The following EPHA6 variants were observed in gnomAD, a reference collection of about 807,000 sequenced individuals.
EPHA6 encodes EPH receptor A6, also known as ephrin type-A receptor 6.
In EPHA6, 50 loss-of-function variants were observed where a neutral mutation model predicts 112.0. The ratio of observed to expected loss-of-function variants is 0.45; its 90% CI spans 0.36 to 0.56. EPHA6 has a LOEUF of 0.56. Ranked by LOEUF, EPHA6 falls within the 20% of genes least tolerant of loss-of-function variation. EPHA6 has a pLI of 0.00. For missense variants in EPHA6, 1,280 were observed against 1,417.4 expected (o/e 0.90, Z 1.56); for synonymous variants, 529 against 490.7 (o/e 1.08, Z -1.03).
At chr3:96,830,112 G>A (rs2033962750) in intron 1 of EPHA6, among the ~76,000 whole-genome samples, 1 of 151,960 alleles carries the variant, frequency 6.6e-6, no homozygotes, top group African/African-American at 2.4e-5. Context: ...TAAAGTATGT[G>A]TACATTTTTA....
chr3:97,088,899 C>T (rs1014221212), intron 3 of EPHA6, among the ~76,000 whole-genome samples: 1 of 152,112 alleles, frequency 6.6e-6, no homozygotes, highest in Admixed American at 6.6e-5. Flanking sequence ...AGGTGTGATA[C>T]TCGAGACGCT....
rs869258362 is a variant in EPHA6, at chr3:97,333,468, C to CTTTTTTTT, written c.1607-71666_1607-71659dup. Among the ~76,000 whole-genome samples, 41 of 75,848 alleles carry CTTTTTTTT rather than the reference C, an allele frequency of 5.4e-4. 2 individuals carry two copies. The highest frequency in any genetic ancestry group is 1.8e-3 in the African/African-American group (31 of 17,566). 49.8% of individuals were successfully genotyped at this position (75,848 alleles called of 152,430 possible). A position where few individuals can be genotyped will look rare whatever the true frequency, so the allele number is the denominator to read the frequency against. ...TTCCTTTACACTCTGTATGGCTTTT[C>CTTTTTTTT]TTTTTTTTTTTTTTTTTTTTTTTGA... On this transcript the variant is annotated intron_variant, in intron 5 of 17. Transcript: ENST00000389672.
chr3:97,507,179 G>T (rs1303601962), intron 10 of EPHA6, among the ~76,000 whole-genome samples: 3 of 152,046 alleles, frequency 2.0e-5, no homozygotes, highest in Non-Finnish European at 4.4e-5. Flanking sequence ...TGAATGACCT[G>T]GCCAGAACTT....
intron 3 of EPHA6, among the ~76,000 whole-genome samples, chr3:97,108,737 G>A (rs2047638469): frequency 6.6e-6 from 1 of 152,118 alleles, no homozygotes; most frequent in Non-Finnish European, 1.5e-5. Flanking sequence ...ACATTAACAA[G>A]CTAGGACATT....
At chr3:97,294,044 A>G (rs1185218957) in intron 5 of EPHA6, among the ~76,000 whole-genome samples, 1 of 152,232 alleles carries the variant, frequency 6.6e-6, no homozygotes, top group Non-Finnish European at 1.5e-5. Context: ...TGTCAGGAGC[A>G]GGGGGAGGCC....
At chr3:97,132,704 A>G (rs894729358) in intron 3 of EPHA6, among the ~76,000 whole-genome samples, 12 of 152,094 alleles carry the variant, frequency 7.9e-5, no homozygotes, top group Admixed American at 4.6e-4. Flanking sequence ...ACTTTACTCA[A>G]TTGAGAATAC....
At chr3:97,683,725 T>C (rs746645) in intron 14 of EPHA6, among the ~76,000 whole-genome samples, 4 of 152,150 alleles carry the variant, frequency 2.6e-5, no homozygotes, top group African/African-American at 4.8e-5. Context: ...AAGGCCCACG[T>C]ACTTCTTTCT....
chr3:97,250,328 G>GA (rs2079099954), intron 5 of EPHA6, among the ~76,000 whole-genome samples: 1 of 152,126 alleles, frequency 6.6e-6, no homozygotes, highest in South Asian at 2.1e-4. Flanking sequence ...CATTGCTAAA[G>GA]AAATGTGTTT....
At chr3:96,841,292 A>G (rs1233979221) in intron 1 of EPHA6, among the ~76,000 whole-genome samples, 1 of 152,114 alleles carries the variant, frequency 6.6e-6, no homozygotes, top group Non-Finnish European at 1.5e-5. Flanking sequence ...ATCTCAGTGC[A>G]TTAGAGGGGT....
rs764707272 is a variant in EPHA6 at position 97,448,679 on chromosome 3, A to G, written c.1843A>G (p.Thr615Ala). ...ATTTCACATCCGAGTGAGAACTGCG[A>G]CAGGATACAGTGGCTACAGTCAGAA... ...YVFHIRVRTA[T>A]GYSGYSQKFE... is the part of the protein sequence containing the mutation. Residue 615 changes from threonine to alanine, a missense_variant, in exon 7 of 18, where the codon ACA becomes GCA. Coordinates refer to ENST00000389672, the MANE Select transcript of EPHA6 (RefSeq NM_001080448.3). The G allele has an allele frequency of 2.5e-6, 4 of 1,613,448 alleles. No individual in the cohort carries two copies. Among genetic ancestry groups the G allele is most frequent in the Admixed American group, 3.3e-5 (2 of 59,960 alleles).
chr3:96,867,038 C>G, intron 2 of EPHA6, 149 bp downstream of exon 2: 1 of 447,898 alleles, frequency 2.2e-6, no homozygotes, highest in Non-Finnish European at 4.0e-6. Context: ...ACAATTAGAA[C>G]TGGTAATCAG....
intron 10 of EPHA6, among the ~76,000 whole-genome samples, chr3:97,529,533 T>C (rs375663430): frequency 6.6e-6 from 1 of 152,228 alleles, no homozygotes. Context: ...TGAGGAATAA[T>C]TCCTATCACT....
chr3:97,237,288 A>G (rs1222640925), intron 4 of EPHA6, among the ~76,000 whole-genome samples: 1 of 152,044 alleles, frequency 6.6e-6, no homozygotes. Context: ...TTTTAAAATT[A>G]AAATAACCCT....
chr3:97,237,426 G>A (rs577939033), intron 4 of EPHA6, among the ~76,000 whole-genome samples: 1 of 152,036 alleles, frequency 6.6e-6, no homozygotes, highest in African/African-American at 2.4e-5. Context: ...TTCAGCAGAG[G>A]TTCTTTTATC....
At chr3:97,343,813 A>G (rs2083419871) in intron 5 of EPHA6, among the ~76,000 whole-genome samples, 2 of 152,200 alleles carry the variant, frequency 1.3e-5, no homozygotes, top group Non-Finnish European at 2.9e-5. Context: ...TGGGACATAG[A>G]AAGAGCTACT....
At chr3:97,633,756 C>G (rs572224172) in intron 13 of EPHA6, among the ~76,000 whole-genome samples, 1 of 152,142 alleles carries the variant, frequency 6.6e-6, no homozygotes, top group Non-Finnish European at 1.5e-5. Context: ...TCAAGGAAAC[C>G]AATATGTCCT....
At chr3:97,038,643 G>T (rs1023365840) in intron 3 of EPHA6, among the ~76,000 whole-genome samples, 1 of 152,028 alleles carries the variant, frequency 6.6e-6, no homozygotes, top group African/African-American at 2.4e-5. Flanking sequence ...ATCCCCCTTT[G>T]TCTCTGGCTG....
intron 2 of EPHA6, among the ~76,000 whole-genome samples, chr3:96,898,322 A>C (rs2038394621): frequency 6.6e-6 from 1 of 152,198 alleles, no homozygotes; most frequent in African/African-American, 2.4e-5. Context: ...GAACCATGCT[A>C]AGGATCAGAA....
At chr3:97,090,910 T>G (rs989096639) in intron 3 of EPHA6, among the ~76,000 whole-genome samples, 12 of 151,990 alleles carry the variant, frequency 7.9e-5, no homozygotes, top group Non-Finnish European at 1.8e-4. Flanking sequence ...CCAAGAAAAA[T>G]TTACGAATAT....
Sources: allele counts gnomAD v4.1 joint callset (sites outside exome capture counted in the v4.1 genomes callset), GRCh38; gene constraint gnomAD v4.1.1; transcripts MANE v1.5; gene names NCBI Gene and HGNC (gene_info 2026-07-23, HGNC 2026-07-21).